ZNF385B: variants seen among roughly 807,000 people sequenced by gnomAD.
ZNF385B encodes the protein zinc finger protein 385B, also known as zinc finger protein 533.
ZNF385B carries 23 observed loss-of-function variants against 39.2 expected under a neutral mutation model. The observed-to-expected ratio is 0.59, with a 90% CI of 0.42 to 0.83. ZNF385B has a LOEUF of 0.83. ZNF385B is among the 40% of genes least tolerant of loss of function. The pLI, the probability that ZNF385B is intolerant of heterozygous loss-of-function variation, is 0.00. For missense variants in ZNF385B, 552 were observed against 598.9 expected, an observed-to-expected ratio of 0.92 and a Z score of 0.82; for synonymous variants, 205 against 222.6, an observed-to-expected ratio of 0.92 and a Z score of 0.70.
intron 3 of ZNF385B, among the ~76,000 whole-genome samples, chr2:179,638,846 A>G (rs1452277012): frequency 1.3e-5 from 2 of 152,190 alleles, no homozygotes; most frequent in African/African-American, 4.8e-5. Context: ...CCAACTCAGA[A>G]GGGCTCCTGC....
intron 3 of ZNF385B, chr2:179,745,705 A>G: frequency 6.5e-7 from 1 of 1,540,982 alleles, no homozygotes; most frequent in Non-Finnish European, 8.8e-7. Flanking sequence ...TAGAATAAAA[A>G]CGCTCACCTC....
intron 3 of ZNF385B, among the ~76,000 whole-genome samples, chr2:179,584,511 A>G (rs143526692): frequency 8.4e-4 from 128 of 152,320 alleles, no homozygotes; most frequent in African/African-American, 2.8e-3. Flanking sequence ...AAGAAAATAT[A>G]TATTTCATAT....
intron 3 of ZNF385B, among the ~76,000 whole-genome samples, chr2:179,732,270 C>G (rs752354800): frequency 6.6e-6 from 1 of 152,208 alleles, no homozygotes; most frequent in Non-Finnish European, 1.5e-5. Flanking sequence ...AGACTAATAT[C>G]ATGGCTTTTC....
At chr2:179,723,963 T>C (rs1193199100) in intron 3 of ZNF385B, among the ~76,000 whole-genome samples, 1 of 152,148 alleles carries the variant, frequency 6.6e-6, no homozygotes, top group African/African-American at 2.4e-5. Context: ...TAGTATATTC[T>C]AGTATTACCA....
At chr2:179,642,849 C>G (rs1692387464) in intron 3 of ZNF385B, among the ~76,000 whole-genome samples, 1 of 152,074 alleles carries the variant, frequency 6.6e-6, no homozygotes, top group African/African-American at 2.4e-5. Context: ...AAATCTCAAC[C>G]CTTCAGTAAA....
At chr2:179,824,667 G>C (rs1235319005) in intron 1 of ZNF385B, among the ~76,000 whole-genome samples, 1 of 151,894 alleles carries the variant, frequency 6.6e-6, no homozygotes, top group Non-Finnish European at 1.5e-5. Context: ...GTTTAATTTT[G>C]TTTTTGTTTT....
intron 1 of ZNF385B, among the ~76,000 whole-genome samples, chr2:179,821,085 T>C (rs1385718675): frequency 1.3e-5 from 2 of 152,158 alleles, no homozygotes; most frequent in Non-Finnish European, 2.9e-5. Flanking sequence ...CTACTCAAAG[T>C]ACATATTAAA....
intron 3 of ZNF385B, among the ~76,000 whole-genome samples, chr2:179,709,404 G>A (rs1262306091): frequency 6.6e-6 from 1 of 152,202 alleles, no homozygotes; most frequent in South Asian, 2.1e-4. Flanking sequence ...GCTCAGGATT[G>A]TAAAACTGAA....
chr2:179,445,014 G>C (rs1351758114), intron 8 of ZNF385B, 37 bp from the exon 9 acceptor site: 1 of 1,557,118 alleles, frequency 6.4e-7, no homozygotes, highest in Non-Finnish European at 8.9e-7. Flanking sequence ...ACTGAAATGT[G>C]AGTCTTATTC....
chr2:179,652,512 ACTGCTCGT>A (rs1292411070), intron 3 of ZNF385B, among the ~76,000 whole-genome samples: 1 of 152,040 alleles, frequency 6.6e-6, no homozygotes, highest in African/African-American at 2.4e-5. Context: ...GAGTCTTTAA[ACTGCTCGT>A]CTGAGCAGCC....
At chr2:179,695,070 G>A (rs1447883575) in intron 3 of ZNF385B, among the ~76,000 whole-genome samples, 2 of 151,932 alleles carry the variant, frequency 1.3e-5, no homozygotes, top group Non-Finnish European at 2.9e-5. Context: ...TATAAAAATG[G>A]TTTTCTCTAT....
At chr2:179,799,823 A>C (rs1705914984) in intron 1 of ZNF385B, among the ~76,000 whole-genome samples, 1 of 152,114 alleles carries the variant, frequency 6.6e-6, no homozygotes, top group South Asian at 2.1e-4. Flanking sequence ...TCAAAGTTTT[A>C]ATTTGTTTGT....
chr2:179,637,783 T>G (rs1691893601), intron 3 of ZNF385B, among the ~76,000 whole-genome samples: 1 of 152,232 alleles, frequency 6.6e-6, no homozygotes. Context: ...AGATTGTTAA[T>G]CACCGCTCCA....
intron 3 of ZNF385B, among the ~76,000 whole-genome samples, chr2:179,614,811 C>A (rs1479122261): frequency 6.6e-6 from 1 of 152,162 alleles, no homozygotes; most frequent in Non-Finnish European, 1.5e-5. Flanking sequence ...TATTTACACA[C>A]CCAGCACTTC....
intron 3 of ZNF385B, chr2:179,584,186 A>G: frequency 2.8e-6 from 1 of 352,598 alleles, no homozygotes; most frequent in Non-Finnish European, 5.6e-6. Flanking sequence ...ACTGTAGAAT[A>G]TTATAGGGAT....
At chr2:179,623,644 T>C (rs1430809658) in intron 3 of ZNF385B, among the ~76,000 whole-genome samples, 1 of 152,106 alleles carries the variant, frequency 6.6e-6, no homozygotes, top group East Asian at 1.9e-4. Context: ...TAGGCAGTAC[T>C]CAGTGGCATC....
intron 1 of ZNF385B, among the ~76,000 whole-genome samples, chr2:179,855,017 G>T (rs950317545): frequency 6.6e-6 from 1 of 151,902 alleles, no homozygotes; most frequent in African/African-American, 2.4e-5. Flanking sequence ...TAACAATCTC[G>T]ATAATCATGA....
chr2:179,662,358 A>ATT lies in ZNF385B; in HGVS notation c.298+107143_298+107144dup, dbSNP rs202113925. ...ACGTCTGTGTTATAGTTTATGGGTA[A>ATT]TTTTTTTTTTTTTTTTTTGGTGGGC... On this transcript the variant is annotated intron_variant, in intron 3 of 9. Transcript: ENST00000410066. Among the ~76,000 whole-genome samples the ATT allele has an allele frequency of 4.1e-3, 571 of 139,318 alleles. 5 individuals are homozygous for ATT. Among genetic ancestry groups the ATT allele is most frequent in the Middle Eastern group, 0.011 (3 of 266 alleles). 91.4% of individuals were successfully genotyped at this position (139,318 alleles called of 152,430 possible).
At chr2:179,780,446 C>T (rs1240482360) in intron 1 of ZNF385B, among the ~76,000 whole-genome samples, 1 of 152,172 alleles carries the variant, frequency 6.6e-6, no homozygotes, top group African/African-American at 2.4e-5. Context: ...AAGCCCAGCT[C>T]TCATTCTCTA....
Sources: gnomAD v4.1 joint callset for allele counts (sites outside exome capture counted in the v4.1 genomes callset) on GRCh38, gnomAD v4.1.1 for gene constraint, MANE v1.5 for transcripts, NCBI Gene and HGNC (gene_info 2026-07-23, HGNC 2026-07-21) for gene names.